UTRN: variants seen among roughly 807,000 people sequenced by gnomAD.
The protein encoded by UTRN is utrophin.
Under a neutral mutation model 463.9 loss-of-function variants are expected in UTRN, and 283 were observed. The observed-to-expected ratio is 0.61, with a 90% CI of 0.55 to 0.67. The LOEUF is 0.67. Among genes scored for constraint, UTRN ranks in the 30% least tolerant of loss-of-function variants. The probability of loss-of-function intolerance (pLI) is 0.00; values close to 1 mark genes in which losing one functional copy is unlikely to be tolerated. For missense variants in UTRN, 3,922 were observed against 4,084.3 expected (o/e 0.96, Z 1.08); for synonymous variants, 1,442 against 1,431.5 (o/e 1.01, Z -0.17).
Position 144,482,238 on chromosome 6 carries a change from G to C in UTRN, c.3537G>C (p.Glu1179Asp). The change falls in exon 27 of 75, where the codon GAG becomes GAC. Residue 1179 changes from glutamate to aspartate, a missense_variant. Transcript: ENST00000367545. The stretch of plus-strand genomic sequence containing the variant: ...CAAAAGAGGATGTGTTGCAGAAGGA[G>C]GTGAGAGTGAAGATTCTCAAGGACA... ...KRAKEDVLQK[E>D]VRVKILKDNI... 1 of 1,525,304 alleles carries C rather than the reference G, an allele frequency of 6.6e-7. No individual in the cohort carries two copies. Among genetic ancestry groups the C allele is most frequent in the Non-Finnish European group, 8.8e-7 (1 of 1,133,098 alleles). 94.5% of individuals were successfully genotyped at this position (1,525,304 alleles called of 1,614,324 possible).
At chr6:144,332,715 T>A (rs978044415) in intron 2 of UTRN, among the ~76,000 whole-genome samples, 1 of 152,132 alleles carries the variant, frequency 6.6e-6, no homozygotes, top group African/African-American at 2.4e-5. Flanking sequence ...TTTTTAATAG[T>A]AATTTTGTAA....
At chr6:144,647,257 C>T (rs1778395859) in intron 51 of UTRN, among the ~76,000 whole-genome samples, 1 of 152,128 alleles carries the variant, frequency 6.6e-6, no homozygotes, top group African/African-American at 2.4e-5. Context: ...TTATACTGGT[C>T]ATTTCTGTCA....
intron 2 of UTRN, among the ~76,000 whole-genome samples, chr6:144,356,853 G>A (rs1192536042): frequency 7.8e-6 from 1 of 128,704 alleles, no homozygotes; most frequent in Non-Finnish European, 1.6e-5. Context: ...AAATATATGT[G>A]TGTGTGTGTA....
At chr6:144,803,003 G>A in intron 64 of UTRN, 33 bp from the exon 65 acceptor site, 1 of 1,434,176 alleles carries the variant, frequency 7.0e-7, no homozygotes, top group Non-Finnish European at 9.3e-7. Context: ...TGATAGTAAT[G>A]CAAGCCAATA....
chr6:144,348,952 A>G (rs1049688473), intron 2 of UTRN, among the ~76,000 whole-genome samples: 2 of 152,174 alleles, frequency 1.3e-5, no homozygotes, highest in Non-Finnish European at 2.9e-5. Flanking sequence ...AACAAAAACA[A>G]AAGAAAAGAA....
At chr6:144,344,979 G>A (rs1020917680) in intron 2 of UTRN, among the ~76,000 whole-genome samples, 2 of 152,196 alleles carry the variant, frequency 1.3e-5, no homozygotes, top group Non-Finnish European at 2.9e-5. Context: ...GTATACATGT[G>A]TGTACTGGTT....
intron 54 of UTRN, among the ~76,000 whole-genome samples, chr6:144,747,581 C>A (rs1790900224): frequency 6.6e-6 from 1 of 152,186 alleles, no homozygotes; most frequent in Non-Finnish European, 1.5e-5. Context: ...CTATTTTTAT[C>A]TGAAACTCTA....
chr6:144,826,092 A>G (rs966475399), intron 66 of UTRN, among the ~76,000 whole-genome samples: 1 of 151,794 alleles, frequency 6.6e-6, no homozygotes, highest in South Asian at 2.1e-4. Flanking sequence ...GCACATGTAT[A>G]CATATGTAAC....
chr6:144,370,340 C>T (rs1051589477), intron 2 of UTRN, among the ~76,000 whole-genome samples: 2 of 152,202 alleles, frequency 1.3e-5, no homozygotes, highest in Non-Finnish European at 2.9e-5. Context: ...AAGGGGCCAA[C>T]GTATAGCTCA....
chr6:144,496,602 CTG>C (rs1344811965), intron 33 of UTRN, among the ~76,000 whole-genome samples: 13 of 152,076 alleles, frequency 8.5e-5, no homozygotes, highest in African/African-American at 2.7e-4. Context: ...AGATTTTACT[CTG>C]TGTCAGGAAT....
chr6:144,463,853 C>G (rs1436877960), intron 23 of UTRN, among the ~76,000 whole-genome samples: 1 of 150,844 alleles, frequency 6.6e-6, no homozygotes, highest in African/African-American at 2.4e-5. Context: ...GAAGCTAAAT[C>G]CAAATATGTG....
At chr6:144,821,050 G>T in intron 66 of UTRN, 32 bp downstream of exon 66, 1 of 1,605,206 alleles carries the variant, frequency 6.2e-7, no homozygotes, top group South Asian at 1.1e-5. Flanking sequence ...AATCTAGTGT[G>T]AACATTTATA....
intron 50 of UTRN, among the ~76,000 whole-genome samples, chr6:144,567,499 A>G (rs1179680559): frequency 6.6e-6 from 1 of 152,136 alleles, no homozygotes; most frequent in Non-Finnish European, 1.5e-5. Flanking sequence ...TTGGGTTCAC[A>G]AGGCTGTGGG....
chr6:144,538,587 A>G (rs1447689118), intron 44 of UTRN, among the ~76,000 whole-genome samples: 1 of 151,490 alleles, frequency 6.6e-6, no homozygotes. Context: ...GGAGAATGGC[A>G]TGAACCCAGG....
At chr6:144,661,384 T>G (rs1779845900) in intron 51 of UTRN, among the ~76,000 whole-genome samples, 1 of 152,094 alleles carries the variant, frequency 6.6e-6, no homozygotes, top group African/African-American at 2.4e-5. Flanking sequence ...AGCTCTTTGC[T>G]CCCTCCTGGC....
At chr6:144,848,346 C>A (rs890895163) in intron 74 of UTRN, among the ~76,000 whole-genome samples, 1 of 152,112 alleles carries the variant, frequency 6.6e-6, no homozygotes, top group Non-Finnish European at 1.5e-5. Flanking sequence ...GCACAGGCAC[C>A]AGAATGGGCT....
At chr6:144,649,376 G>T (rs144428601) in intron 51 of UTRN, among the ~76,000 whole-genome samples, 1 of 152,124 alleles carries the variant, frequency 6.6e-6, no homozygotes, top group Non-Finnish European at 1.5e-5. Context: ...TACCATTGCC[G>T]CTGGTTGTAT....
At position 144,514,634 on chromosome 6, in the gene UTRN, G is replaced by C. The variant is rs1198895078; in HGVS notation, c.5074-16G>C. ...GATTTTTCCCATGAGATAATTTTGT[G>C]TTTTCTTATAATTAGCGTTTAGTAT... On this transcript the variant is annotated splice_polypyrimidine_tract_variant and intron_variant, in intron 36 of 74. Transcript: ENST00000367545. 1 of 1,610,646 alleles carries C rather than the reference G, an allele frequency of 6.2e-7. No individual in the cohort carries two copies. Among genetic ancestry groups the C allele is most frequent in the Non-Finnish European group, 8.5e-7 (1 of 1,178,696 alleles).
chr6:144,779,579 G>A (rs540127980), intron 60 of UTRN, among the ~76,000 whole-genome samples: 1 of 152,214 alleles, frequency 6.6e-6, no homozygotes, highest in African/African-American at 2.4e-5. Context: ...TTAATCTGAG[G>A]GGGAGGAAGA....
Sources: allele counts gnomAD v4.1 joint callset (sites outside exome capture counted in the v4.1 genomes callset), GRCh38; gene constraint gnomAD v4.1.1; transcripts MANE v1.5; gene names NCBI Gene and HGNC (gene_info 2026-07-23, HGNC 2026-07-21).